Variants in UGT1A9 observed in about 807,000 individuals in gnomAD.
UGT1A9 encodes UDP-glucuronosyltransferase 1A9.
A neutral mutation model predicts 45.0 loss-of-function variants in UGT1A9; 35 were observed. The observed-to-expected ratio is 0.78, with a 90% CI of 0.59 to 1.03. The LOEUF is 1.03. Among genes scored for constraint, UGT1A9 ranks in the 50% least tolerant of loss-of-function variants. The pLI is 0.00. For synonymous variants in UGT1A9, 278 were observed against 250.6 expected, an observed-to-expected ratio of 1.11 and a Z score of -1.03; for missense variants, 687 against 666.6, an observed-to-expected ratio of 1.03 and a Z score of -0.34.
At chr2:233,683,341 G>A (rs4663888) in intron 1 of UGT1A9, among the ~76,000 whole-genome samples, 93,418 of 151,982 alleles carry the variant, frequency 0.61, 28,967 homozygotes, top group South Asian at 0.65. Flanking sequence ...TAATTGCATG[G>A]TAGTCTTTAC....
chr2:233,739,861 AT>A (rs1559383666), intron 1 of UGT1A9, among the ~76,000 whole-genome samples: 1 of 151,974 alleles, frequency 6.6e-6, no homozygotes, highest in African/African-American at 2.4e-5. Context: ...AGAGGGCAGA[AT>A]GATATGATTT....
intron 1 of UGT1A9, among the ~76,000 whole-genome samples, chr2:233,699,498 C>T (rs899655583): frequency 6.6e-6 from 1 of 152,166 alleles, no homozygotes; most frequent in South Asian, 2.1e-4. Flanking sequence ...ACTTGTAATA[C>T]AAAGAACTGT....
chr2:233,679,606 A>G (rs2074457257), intron 1 of UGT1A9, among the ~76,000 whole-genome samples: 1 of 151,524 alleles, frequency 6.6e-6, no homozygotes, highest in South Asian at 2.1e-4. Flanking sequence ...CTGTATTAAA[A>G]CCCTGTTCAG....
intron 1 of UGT1A9, chr2:233,753,586 C>G (rs1242811464): frequency 6.6e-6 from 1 of 152,168 alleles, no homozygotes; most frequent in Admixed American, 6.5e-5. Context: ...GATGGACTAC[C>G]CCAAGGCAAT....
At chr2:233,693,710 G>C (rs1398840706) in intron 1 of UGT1A9, 3 of 1,614,218 alleles carry the variant, frequency 1.9e-6, no homozygotes, top group Non-Finnish European at 2.5e-6. Context: ...CGCATCAGCT[G>C]TCCTCAAGAG....
intron 1 of UGT1A9, among the ~76,000 whole-genome samples, chr2:233,727,206 C>A (rs1441651485): frequency 6.6e-6 from 1 of 152,164 alleles, no homozygotes; most frequent in Non-Finnish European, 1.5e-5. Flanking sequence ...CTCACTGACA[C>A]CCATGGCTTC....
chr2:233,690,954 G>T lies in UGT1A9; in HGVS notation c.855+18165G>T, dbSNP rs2075022883. The stretch of plus-strand genomic sequence containing the variant: ...CTTCCTCCAACTCATGTTCTGTAGG[G>T]ACTTCTGGGACTAAGAACAGGACCC... On this transcript the variant is annotated intron_variant, in intron 1 of 4. Transcript: ENST00000354728. 9.9e-6 allele frequency: 10 copies of T among 1,008,082 alleles called. No homozygotes were observed. The South Asian group carries it at 1.3e-4, about 13-fold the overall frequency. 62.4% of individuals were successfully genotyped at this position (1,008,082 alleles called of 1,614,324 possible).
At chr2:233,692,144 A>G (rs1047287655) in intron 1 of UGT1A9, 1 of 152,200 alleles carries the variant, frequency 6.6e-6, no homozygotes, top group East Asian at 1.9e-4. Flanking sequence ...ATGGAAGCCT[A>G]CATAAAAACT....
intron 1 of UGT1A9, among the ~76,000 whole-genome samples, chr2:233,764,915 C>A (rs892234743): frequency 6.6e-6 from 1 of 152,136 alleles, no homozygotes; most frequent in Non-Finnish European, 1.5e-5. Context: ...AGAGGACTCA[C>A]GAGGGCCTGG....
chr2:233,719,879 C>T (rs573880021), intron 1 of UGT1A9, among the ~76,000 whole-genome samples: 35 of 152,076 alleles, frequency 2.3e-4, no homozygotes, highest in Non-Finnish European at 3.7e-4. Context: ...AGAAGAGGCA[C>T]GGATGAGGGT....
At chr2:233,717,608 A>G (rs897044016) in intron 1 of UGT1A9, among the ~76,000 whole-genome samples, 23 of 152,264 alleles carry the variant, frequency 1.5e-4, no homozygotes, top group African/African-American at 5.5e-4. Context: ...AAGTGGGCAC[A>G]GCCCAGAGAG....
At chr2:233,717,109 C>T (rs1330348180) in intron 1 of UGT1A9, among the ~76,000 whole-genome samples, 1 of 152,134 alleles carries the variant, frequency 6.6e-6, no homozygotes, top group East Asian at 1.9e-4. Flanking sequence ...CTAAATAAAA[C>T]ACCACTACAT....
At chr2:233,738,071 C>T (rs905760849) in intron 1 of UGT1A9, among the ~76,000 whole-genome samples, 5 of 152,114 alleles carry the variant, frequency 3.3e-5, no homozygotes, top group Non-Finnish European at 7.3e-5. Flanking sequence ...AGGTCCCCAC[C>T]TCCTAATCTC....
Position 233,725,061 on chromosome 2 carries a change from C to A in UGT1A9, c.856-41973C>A, listed in dbSNP as rs1212157566. ...AACCAGTCAGGCGTGGCGGCGCGCG[C>A]CTGCAATCGCAGGCACTCGGCAGGC... On this transcript the variant is annotated intron_variant, in intron 1 of 4. Coordinates refer to ENST00000354728, the MANE Select transcript of UGT1A9 (RefSeq NM_021027.3). Among the ~76,000 whole-genome samples, 5 of 147,130 alleles carry A rather than the reference C, an allele frequency of 3.4e-5. 1 individual carries two copies. The highest frequency in any genetic ancestry group is 1.3e-4 in the African/African-American group (5 of 39,402).
At position 233,672,613 on chromosome 2, in the gene UGT1A9, GC is replaced by G. The variant is rs1302383027; in HGVS notation, c.682del (p.Leu228Ter). 1 of 1,613,606 alleles carries G rather than the reference GC, an allele frequency of 6.2e-7. No homozygotes were observed. ...HLLCHRFFKN[A>X]LEIASEILQT... is the part of the protein sequence containing the mutation. The stretch of plus-strand genomic sequence containing the variant: ...ATTATGCCACCGTTTTTTCAAAAAT[GC>G]CCTAGAAATAGCCTCTGAAATTCTC... On this transcript the variant is annotated frameshift_variant, in exon 1 of 5. Transcript: ENST00000354728. LOFTEE classifies it high-confidence loss of function.
intron 1 of UGT1A9, chr2:233,682,884 T>C (rs1375175448): frequency 6.6e-7 from 1 of 1,512,312 alleles, no homozygotes; most frequent in Non-Finnish European, 8.8e-7. Flanking sequence ...TTTACATTTG[T>C]CCCATTTGGA....
intron 1 of UGT1A9, chr2:233,747,383 G>C: frequency 6.2e-7 from 1 of 1,605,558 alleles, no homozygotes; most frequent in Non-Finnish European, 8.5e-7. Context: ...GAGGCCACCA[G>C]GCGGTGGTCC....
At chr2:233,686,522 G>T (rs757832173) in intron 1 of UGT1A9, among the ~76,000 whole-genome samples, 1 of 152,052 alleles carries the variant, frequency 6.6e-6, no homozygotes, top group Non-Finnish European at 1.5e-5. Flanking sequence ...CTCCACCTGC[G>T]TTAGAACCTA....
At chr2:233,691,171 C>G in intron 1 of UGT1A9, 1 of 985,720 alleles carries the variant, frequency 1.0e-6, no homozygotes, top group South Asian at 4.7e-5. Flanking sequence ...TGCCTAATGT[C>G]TGCCTGCTCA....
Sources: allele counts gnomAD v4.1 joint callset (sites outside exome capture counted in the v4.1 genomes callset), GRCh38; gene constraint gnomAD v4.1.1; transcripts MANE v1.5; gene names NCBI Gene and HGNC (gene_info 2026-07-23, HGNC 2026-07-21).